The following MTMR7 variants were observed in gnomAD, a reference collection of about 807,000 sequenced individuals.
The protein encoded by MTMR7 is myotubularin related protein 7, also known as phosphatidylinositol-3-phosphate phosphatase MTMR7.
A neutral mutation model predicts 81.2 loss-of-function variants in MTMR7; 76 were observed. That is an observed-to-expected ratio of 0.94 (90% CI 0.78 to 1.13). The LOEUF (loss-of-function observed/expected upper bound fraction) is 1.13, where lower values mean the gene tolerates loss of function less well. Among genes scored for constraint, MTMR7 ranks in the 50% most tolerant of loss-of-function variants. The pLI is 0.00. For synonymous variants in MTMR7, 372 were observed against 289.8 expected (o/e 1.28, Z -2.88); for missense variants, 1,044 against 820.0 (o/e 1.27, Z -3.34).
At chr8:17,303,233 A>G (rs1176197316) in intron 12 of MTMR7, among the ~76,000 whole-genome samples, 2 of 152,200 alleles carry the variant, frequency 1.3e-5, no homozygotes, top group Non-Finnish European at 2.9e-5. Context: ...ATTAGTTGCA[A>G]TCCAACTGGT....
chr8:17,369,596 T>G (rs890524669), intron 3 of MTMR7, among the ~76,000 whole-genome samples: 11 of 152,078 alleles, frequency 7.2e-5, no homozygotes, highest in African/African-American at 2.7e-4. Flanking sequence ...TTTCACTGTA[T>G]TCTTCCAAGA....
chr8:17,309,164 A>T, intron 10 of MTMR7, 113 bp downstream of exon 10: 1 of 713,896 alleles, frequency 1.4e-6, no homozygotes, highest in East Asian at 2.6e-5. Context: ...AGCTTTCTGA[A>T]TAAGAGACAC....
At chr8:17,345,044 C>T (rs1365255981) in intron 5 of MTMR7, among the ~76,000 whole-genome samples, 1 of 152,126 alleles carries the variant, frequency 6.6e-6, no homozygotes, top group East Asian at 1.9e-4. Context: ...CACAGAATTC[C>T]GAACGCACAT....
At chr8:17,401,729 G>T (rs927621025) in intron 1 of MTMR7, among the ~76,000 whole-genome samples, 4 of 152,128 alleles carry the variant, frequency 2.6e-5, no homozygotes, top group Non-Finnish European at 5.9e-5. Context: ...TAACTCCAAA[G>T]TTATTGGCTC....
At chr8:17,411,766 G>A (rs537621979) in intron 1 of MTMR7, among the ~76,000 whole-genome samples, 10 of 152,182 alleles carry the variant, frequency 6.6e-5, no homozygotes, top group Non-Finnish European at 2.9e-5. Context: ...ACGTGACTTT[G>A]TACCAGGTGG....
chr8:17,375,388 C>A (rs1341795246), intron 1 of MTMR7, among the ~76,000 whole-genome samples: 1 of 151,844 alleles, frequency 6.6e-6, no homozygotes. Flanking sequence ...ACAATTTACT[C>A]TGGAGCATTG....
At chr8:17,338,090 A>G (rs1210527159) in intron 6 of MTMR7, among the ~76,000 whole-genome samples, 2 of 152,226 alleles carry the variant, frequency 1.3e-5, no homozygotes, top group South Asian at 2.1e-4. Context: ...ATCAACATAC[A>G]CAGTCTTTAA....
chr8:17,366,403 G>C (rs1409478949), intron 3 of MTMR7, among the ~76,000 whole-genome samples: 1 of 151,950 alleles, frequency 6.6e-6, no homozygotes, highest in Non-Finnish European at 1.5e-5. Flanking sequence ...AAAATCAAAA[G>C]TATTTTAAAA....
intron 6 of MTMR7, among the ~76,000 whole-genome samples, chr8:17,332,079 A>G (rs1040231087): frequency 6.6e-6 from 1 of 152,178 alleles, no homozygotes; most frequent in Non-Finnish European, 1.5e-5. Context: ...ATCGGTTTCT[A>G]GAATGTGTAA....
At chr8:17,341,283 G>T in intron 6 of MTMR7, 80 bp downstream of exon 6, 1 of 1,566,116 alleles carries the variant, frequency 6.4e-7, no homozygotes, top group Non-Finnish European at 8.7e-7. Flanking sequence ...CTGCACAAGA[G>T]ATGGCAGTCG....
intron 4 of MTMR7, among the ~76,000 whole-genome samples, chr8:17,353,585 A>G (rs773481552): frequency 6.6e-6 from 1 of 152,212 alleles, no homozygotes; most frequent in Non-Finnish European, 1.5e-5. Flanking sequence ...CTAATTTTCA[A>G]ACACCTCAGT....
intron 1 of MTMR7, among the ~76,000 whole-genome samples, chr8:17,383,920 G>T (rs1173247957): frequency 6.6e-6 from 1 of 152,114 alleles, no homozygotes; most frequent in East Asian, 1.9e-4. Context: ...CAGCAATGCA[G>T]TAATTATAGA....
chr8:17,412,770 G>C (rs1228543320), intron 1 of MTMR7, among the ~76,000 whole-genome samples: 1 of 152,190 alleles, frequency 6.6e-6, no homozygotes, highest in African/African-American at 2.4e-5. Context: ...CTACGCTCAG[G>C]ATGAGGATGC....
chr8:17,373,251 C>A lies in MTMR7; in HGVS notation c.25-11G>T. On this transcript the variant is annotated splice_polypyrimidine_tract_variant and intron_variant, in intron 1 of 13. Coordinates refer to ENST00000180173, the MANE Select transcript of MTMR7 (RefSeq NM_004686.5). ...GCGGACATTTTCAACCTAGAGAAAT[C>A]GGCATGATGAAAAGAGTTACCGTAA... 1.2e-6 allele frequency: 2 copies of A among 1,606,828 alleles called. No individual in the cohort carries two copies. Among genetic ancestry groups the A allele is most frequent in the Non-Finnish European group, 1.7e-6 (2 of 1,176,746 alleles).
intron 1 of MTMR7, among the ~76,000 whole-genome samples, chr8:17,394,186 C>A (rs1428944024): frequency 1.3e-5 from 2 of 152,184 alleles, no homozygotes; most frequent in Non-Finnish European, 2.9e-5. Flanking sequence ...CAATTTCACT[C>A]CTGAGTATAT....
chr8:17,384,482 T>C (rs1820868371), intron 1 of MTMR7, among the ~76,000 whole-genome samples: 1 of 152,170 alleles, frequency 6.6e-6, no homozygotes, highest in African/African-American at 2.4e-5. Flanking sequence ...TACTTCTTGC[T>C]CCCACCTCAT....
chr8:17,363,279 T>A (rs1223386048), intron 3 of MTMR7, among the ~76,000 whole-genome samples: 1 of 152,218 alleles, frequency 6.6e-6, no homozygotes, highest in Non-Finnish European at 1.5e-5. Flanking sequence ...TAACCACAAA[T>A]GCAAGTTGTT....
intron 1 of MTMR7, among the ~76,000 whole-genome samples, chr8:17,389,771 A>G (rs911626552): frequency 6.6e-5 from 10 of 152,160 alleles, no homozygotes; most frequent in Non-Finnish European, 1.0e-4. Context: ...AAAATAAAAC[A>G]AAACTTCATC....
chr8:17,361,659 C>T (rs1214037083), intron 3 of MTMR7, among the ~76,000 whole-genome samples: 1 of 152,072 alleles, frequency 6.6e-6, no homozygotes. Context: ...GCCTATCAAG[C>T]TTGGATTTGG....
Sources: gnomAD v4.1 joint callset for allele counts (sites outside exome capture counted in the v4.1 genomes callset) on GRCh38, gnomAD v4.1.1 for gene constraint, MANE v1.5 for transcripts, NCBI Gene and HGNC (gene_info 2026-07-23, HGNC 2026-07-21) for gene names.